ROBO1: variants seen among roughly 807,000 people sequenced by gnomAD.
ROBO1 encodes roundabout homolog 1.
A neutral mutation model predicts 195.9 loss-of-function variants in ROBO1; 149 were observed. The ratio of observed to expected loss-of-function variants is 0.76; its 90% confidence interval spans 0.67 to 0.87. The LOEUF (loss-of-function observed/expected upper bound fraction) is 0.87, where lower values mean the gene tolerates loss of function less well. Ranked by LOEUF, ROBO1 falls within the 40% of genes least tolerant of loss-of-function variation. The pLI is 0.00. For synonymous variants in ROBO1, 816 were observed against 733.2 expected, an observed-to-expected ratio of 1.11 and a Z score of -1.82; for missense variants, 1,933 against 2,068.3, an observed-to-expected ratio of 0.93 and a Z score of 1.27.
chr3:79,480,073 G>C (rs1373164155), intron 2 of ROBO1, among the ~76,000 whole-genome samples: 1 of 152,052 alleles, frequency 6.6e-6, no homozygotes, highest in African/African-American at 2.4e-5. Context: ...ATACCGAAAA[G>C]GCTTTTTGTA....
intron 2 of ROBO1, among the ~76,000 whole-genome samples, chr3:79,416,880 G>A (rs1466135810): frequency 6.6e-6 from 1 of 152,156 alleles, no homozygotes; most frequent in South Asian, 2.1e-4. Flanking sequence ...CACTCTGCAA[G>A]TGGCTTACAC....
chr3:79,353,532 C>T (rs542184232), intron 2 of ROBO1, among the ~76,000 whole-genome samples: 5 of 152,054 alleles, frequency 3.3e-5, no homozygotes, highest in African/African-American at 9.6e-5. Flanking sequence ...ATGAGATGTT[C>T]AGTATGGTTG....
At chr3:78,764,130 C>G (rs541054842) in intron 4 of ROBO1, among the ~76,000 whole-genome samples, 4 of 152,010 alleles carry the variant, frequency 2.6e-5, no homozygotes, top group Non-Finnish European at 4.4e-5. Context: ...TTCATGTATT[C>G]TACTGTTTTG....
At chr3:78,809,894 G>A (rs1576210027) in intron 4 of ROBO1, among the ~76,000 whole-genome samples, 1 of 151,834 alleles carries the variant, frequency 6.6e-6, no homozygotes, top group Non-Finnish European at 1.5e-5. Context: ...TGTAGATGAC[G>A]GGTTGATGGG....
intron 1 of ROBO1, among the ~76,000 whole-genome samples, chr3:79,699,328 G>C (rs9873237): frequency 0.6 from 91,045 of 151,030 alleles, 27,655 homozygotes; most frequent in South Asian, 0.7. Context: ...CACAGGGAGC[G>C]CCCCCTACAT....
intron 3 of ROBO1, among the ~76,000 whole-genome samples, chr3:78,960,964 C>G (rs1048924326): frequency 6.6e-6 from 1 of 152,082 alleles, no homozygotes; most frequent in Non-Finnish European, 1.5e-5. Context: ...TCGCATCACC[C>G]TAATCGTTGC....
At chr3:79,180,224 C>T (rs1406517569) in intron 2 of ROBO1, among the ~76,000 whole-genome samples, 1 of 152,198 alleles carries the variant, frequency 6.6e-6, no homozygotes, top group Non-Finnish European at 1.5e-5. Flanking sequence ...GTCTACTCCT[C>T]ATTCTTCATT....
intron 3 of ROBO1, among the ~76,000 whole-genome samples, chr3:78,976,985 T>C (rs909488806): frequency 3.3e-5 from 5 of 152,226 alleles, no homozygotes; most frequent in African/African-American, 1.2e-4. Context: ...CCATTTTCTT[T>C]AAATTTCTTC....
At chr3:79,474,113 T>C (rs888540414) in intron 2 of ROBO1, among the ~76,000 whole-genome samples, 1 of 152,132 alleles carries the variant, frequency 6.6e-6, no homozygotes, top group African/African-American at 2.4e-5. Context: ...AGAAGCGAGA[T>C]ACATGTTAGT....
chr3:79,165,827 A>G (rs1285619053), intron 2 of ROBO1, among the ~76,000 whole-genome samples: 1 of 152,214 alleles, frequency 6.6e-6, no homozygotes, highest in Non-Finnish European at 1.5e-5. Flanking sequence ...GTTGCTGGGA[A>G]GATATTTTAT....
intron 4 of ROBO1, among the ~76,000 whole-genome samples, chr3:78,750,026 T>G (rs2082749179): frequency 6.6e-6 from 1 of 152,208 alleles, no homozygotes; most frequent in Admixed American, 6.5e-5. Context: ...TTCATATTTG[T>G]GTAGTTTTAT....
chr3:79,714,549 TG>T (rs1235864115), intron 1 of ROBO1, among the ~76,000 whole-genome samples: 1 of 151,770 alleles, frequency 6.6e-6, no homozygotes, highest in Non-Finnish European at 1.5e-5. Flanking sequence ...CACATGCACA[TG>T]TATGTTTATT....
At position 78,711,403 on chromosome 3, in the gene ROBO1, CTTT is replaced by C. The variant is rs1350562031; in HGVS notation, c.1045+2991_1045+2993del. Among the ~76,000 whole-genome samples the C allele has an allele frequency of 5.4e-3, 308 of 56,644 alleles. 1 individual carries two copies. Among genetic ancestry groups the C allele is most frequent in the Middle Eastern group, 7.5e-3 (1 of 134 alleles). 37.2% of individuals were successfully genotyped at this position (56,644 alleles called of 152,430 possible). On this transcript the variant is annotated intron_variant, in intron 8 of 30. Transcript: ENST00000464233. The stretch of plus-strand genomic sequence containing the variant: ...CCTTCCTTCCTTCCTTCCTTCCTTT[CTTT>C]CTTTCTTTCTTTCTTTCTTTCTTTC...
At chr3:79,072,695 A>G (rs1192332335) in intron 3 of ROBO1, among the ~76,000 whole-genome samples, 2 of 151,982 alleles carry the variant, frequency 1.3e-5, no homozygotes, top group East Asian at 3.9e-4. Flanking sequence ...ATTTTTATGT[A>G]CTGTATCCAT....
chr3:78,772,506 G>A (rs934190122), intron 4 of ROBO1, among the ~76,000 whole-genome samples: 1 of 152,094 alleles, frequency 6.6e-6, no homozygotes, highest in Non-Finnish European at 1.5e-5. Context: ...TTTCTGAGTA[G>A]TGAGATTATC....
chr3:78,945,344 C>T (rs2040371957), intron 3 of ROBO1, among the ~76,000 whole-genome samples: 1 of 152,146 alleles, frequency 6.6e-6, no homozygotes, highest in Non-Finnish European at 1.5e-5. Context: ...AATCAGACAG[C>T]AGCATTTGCA....
chr3:79,447,087 C>T (rs1278260955), intron 2 of ROBO1, among the ~76,000 whole-genome samples: 2 of 152,050 alleles, frequency 1.3e-5, no homozygotes. Context: ...CCTTGGCCTC[C>T]CAAAGTGCTG....
At chr3:79,003,600 C>G (rs1230316300) in intron 3 of ROBO1, among the ~76,000 whole-genome samples, 2 of 151,096 alleles carry the variant, frequency 1.3e-5, no homozygotes, top group African/African-American at 4.9e-5. Context: ...AGGAAAGCAG[C>G]AAAAAAAAGA....
intron 10 of ROBO1, among the ~76,000 whole-genome samples, chr3:78,672,994 CA>C (rs1217789888): frequency 6.6e-6 from 1 of 152,132 alleles, no homozygotes; most frequent in Non-Finnish European, 1.5e-5. Flanking sequence ...CCAACAGCAC[CA>C]AGTGACTACT....
Sources: allele counts gnomAD v4.1 joint callset (sites outside exome capture counted in the v4.1 genomes callset), GRCh38; gene constraint gnomAD v4.1.1; transcripts MANE v1.5; gene names NCBI Gene and HGNC (gene_info 2026-07-23, HGNC 2026-07-21).